Variants in ROCK1 observed in about 807,000 individuals in gnomAD.
ROCK1 encodes rho-associated protein kinase 1.
In ROCK1, 36 loss-of-function variants were observed where a neutral mutation model predicts 196.8. That is an observed-to-expected ratio of 0.18 (90% confidence interval 0.14 to 0.24). The LOEUF (loss-of-function observed/expected upper bound fraction) is 0.24, where lower values mean the gene tolerates loss of function less well. Ranked by LOEUF, ROCK1 falls within the 10% of genes least tolerant of loss-of-function variation. The pLI, the probability that ROCK1 is intolerant of heterozygous loss-of-function variation, is 1.00. For synonymous variants in ROCK1, 443 were observed against 515.9 expected, an observed-to-expected ratio of 0.86 and a Z score of 1.91; for missense variants, 920 against 1,562.0, an observed-to-expected ratio of 0.59 and a Z score of 6.93.
At chr18:21,057,071 T>C (rs1316636738) in intron 2 of ROCK1, among the ~76,000 whole-genome samples, 1 of 152,250 alleles carries the variant, frequency 6.6e-6, no homozygotes, top group East Asian at 1.9e-4. Flanking sequence ...TTGACCTCTT[T>C]GTTATTCACA....
At chr18:21,075,384 T>C (rs1425527605) in intron 1 of ROCK1, among the ~76,000 whole-genome samples, 1 of 152,172 alleles carries the variant, frequency 6.6e-6, no homozygotes, top group Non-Finnish European at 1.5e-5. Flanking sequence ...AGACAGTGAC[T>C]TCATTAACCA....
chr18:21,042,953 A>G (rs1447168754), intron 6 of ROCK1, among the ~76,000 whole-genome samples: 1 of 152,162 alleles, frequency 6.6e-6, no homozygotes, highest in Non-Finnish European at 1.5e-5. Flanking sequence ...ATGCATATAC[A>G]CACACATTAT....
chr18:21,016,885 CAA>C (rs891976793), intron 12 of ROCK1, among the ~76,000 whole-genome samples: 2 of 149,144 alleles, frequency 1.3e-5, no homozygotes, highest in Non-Finnish European at 1.5e-5. Context: ...AGCCCCCCCG[CAA>C]AAAAAAAGAG....
intron 17 of ROCK1, 139 bp downstream of exon 17, chr18:20,992,692 A>T (rs1348389926): frequency 5.2e-6 from 3 of 572,498 alleles, no homozygotes; most frequent in Non-Finnish European, 9.0e-6. Context: ...CCCCACATAC[A>T]ACCAATCAAA....
At chr18:21,009,418 T>C (rs140750002) in intron 13 of ROCK1, among the ~76,000 whole-genome samples, 66 of 152,234 alleles carry the variant, frequency 4.3e-4, no homozygotes, top group Non-Finnish European at 9.1e-4. Flanking sequence ...TATTCCATGG[T>C]ACAAATGTAC....
chr18:20,960,911 T>G (rs1240561333), intron 27 of ROCK1, among the ~76,000 whole-genome samples: 2 of 152,158 alleles, frequency 1.3e-5, no homozygotes, highest in African/African-American at 2.4e-5. Flanking sequence ...TAAAGCCTCT[T>G]AAGTTTCTGA....
At chr18:21,047,775 G>A (rs1354621280) in intron 4 of ROCK1, among the ~76,000 whole-genome samples, 1 of 151,424 alleles carries the variant, frequency 6.6e-6, no homozygotes, top group Non-Finnish European at 1.5e-5. Flanking sequence ...TCCGGCCTGG[G>A]CGACAGAGCG....
intron 2 of ROCK1, among the ~76,000 whole-genome samples, chr18:21,068,380 A>G (rs2036355328): frequency 6.6e-6 from 1 of 152,182 alleles, no homozygotes; most frequent in African/African-American, 2.4e-5. Context: ...TTCTTTCATC[A>G]AGACTATACT....
chr18:20,961,668 T>C (rs1024986136), intron 27 of ROCK1, among the ~76,000 whole-genome samples: 6 of 152,116 alleles, frequency 3.9e-5, no homozygotes, highest in Non-Finnish European at 8.8e-5. Flanking sequence ...TTGTGGGAAA[T>C]ATTTTTTTCC....
chr18:20,970,259 C>T, intron 23 of ROCK1, 89 bp downstream of exon 23: 2 of 970,324 alleles, frequency 2.1e-6, no homozygotes, highest in Non-Finnish European at 3.1e-6. Context: ...AGTAAATACA[C>T]TTGCACACAC....
intron 13 of ROCK1, among the ~76,000 whole-genome samples, chr18:21,010,223 TC>T (rs1185495308): frequency 6.6e-6 from 1 of 152,174 alleles, no homozygotes; most frequent in Non-Finnish European, 1.5e-5. Flanking sequence ...TACTTGTCCT[TC>T]CTTTTGCTTG....
rs1271232174 is a variant in ROCK1 at position 20,991,471 on chromosome 18, C to CT, written c.1993-146dup. The CT allele has an allele frequency of 6.7e-6, 4 of 596,770 alleles. No individual in the cohort carries two copies. In the African/African-American group the frequency reaches 7.5e-5, roughly 11 times the overall value. The allele number at this position is 596,770 out of a possible 1,614,324, so 37.0% of individuals were successfully genotyped here. A position where few individuals can be genotyped will look rare whatever the true frequency, so the allele number is the denominator to read the frequency against. The stretch of plus-strand genomic sequence containing the variant: ...CATATAATTAAAAGCAAAAGATAAT[C>CT]TTTTCTTTACCCCCTCCCTTCCCAT... On this transcript the variant is annotated intron_variant, in intron 17 of 32. Coordinates refer to ENST00000399799, the MANE Select transcript of ROCK1 (RefSeq NM_005406.3).
intron 1 of ROCK1, among the ~76,000 whole-genome samples, chr18:21,070,937 A>G (rs1464696419): frequency 2.6e-5 from 4 of 152,180 alleles, no homozygotes; most frequent in African/African-American, 7.2e-5. Flanking sequence ...TACTGCATTT[A>G]TCTTTATCTT....
At chr18:21,058,712 C>T (rs1170680447) in intron 2 of ROCK1, among the ~76,000 whole-genome samples, 3 of 151,938 alleles carry the variant, frequency 2.0e-5, no homozygotes, top group African/African-American at 4.8e-5. Context: ...CCCAAGTAGC[C>T]GGGACTATAG....
At chr18:21,084,150 A>G (rs2036505924) in intron 1 of ROCK1, among the ~76,000 whole-genome samples, 1 of 152,180 alleles carries the variant, frequency 6.6e-6, no homozygotes, top group African/African-American at 2.4e-5. Context: ...AGACCAAAAC[A>G]TAAAAGCTAG....
chr18:21,084,399 T>C (rs960053955), intron 1 of ROCK1, among the ~76,000 whole-genome samples: 1 of 152,148 alleles, frequency 6.6e-6, no homozygotes, highest in Non-Finnish European at 1.5e-5. Flanking sequence ...ACGCAAAATA[T>C]GTAGGGCACT....
chr18:21,063,976 T>C (rs720109), intron 2 of ROCK1, among the ~76,000 whole-genome samples: 24,223 of 152,198 alleles, frequency 0.16, 3,906 homozygotes, highest in African/African-American at 0.41. Flanking sequence ...TCAATAGGTG[T>C]AAACTGCCTT....
At chr18:21,015,174 C>T (rs1473018596) in intron 13 of ROCK1, among the ~76,000 whole-genome samples, 1 of 152,098 alleles carries the variant, frequency 6.6e-6, no homozygotes, top group East Asian at 1.9e-4. Context: ...CACATTTCAA[C>T]CATCGAGAAC....
chr18:21,066,518 T>C (rs995159435), intron 2 of ROCK1, among the ~76,000 whole-genome samples: 1 of 152,190 alleles, frequency 6.6e-6, no homozygotes, highest in South Asian at 2.1e-4. Flanking sequence ...TAGATTTCAA[T>C]GCATTTCTGA....
Sources: allele counts gnomAD v4.1 joint callset (sites outside exome capture counted in the v4.1 genomes callset), GRCh38; gene constraint gnomAD v4.1.1; transcripts MANE v1.5; gene names NCBI Gene and HGNC (gene_info 2026-07-23, HGNC 2026-07-21).